The following PLCH2 variants were observed in gnomAD, a reference collection of about 807,000 sequenced individuals.
The protein encoded by PLCH2 is phospholipase C eta 2.
In PLCH2, 98 loss-of-function variants were observed where a neutral mutation model predicts 134.7. That is an observed-to-expected ratio of 0.73 (90% confidence interval 0.62 to 0.86). The LOEUF (loss-of-function observed/expected upper bound fraction) is 0.86. Ranked by LOEUF, PLCH2 falls within the 40% of genes least tolerant of loss-of-function variation. The probability of loss-of-function intolerance (pLI) is 0.00; values close to 1 mark genes in which losing one functional copy is unlikely to be tolerated. For synonymous variants in PLCH2, 974 were observed against 827.5 expected (o/e 1.18, Z -3.04); for missense variants, 1,994 against 1,986.6 (o/e 1.00, Z -0.07).
At chr1:2,449,289 G>A (rs1245892108) in intron 2 of PLCH2, among the ~76,000 whole-genome samples, 1 of 152,166 alleles carries the variant, frequency 6.6e-6, no homozygotes, top group African/African-American at 2.4e-5. Flanking sequence ...TCAGGAGTTC[G>A]AGACCAGCCT....
chr1:2,453,481 C>A lies in PLCH2; in HGVS notation c.115+22852C>A, dbSNP rs376788725. Among the ~76,000 whole-genome samples the A allele has an allele frequency of 3.3e-5, 5 of 152,314 alleles. No homozygotes were observed. The East Asian group carries it at 7.7e-4, about 24-fold the overall frequency. On this transcript the variant is annotated intron_variant, in intron 2 of 3. Coordinates refer to the PLCH2 transcript ENST00000609981. ...CCAGCCTGGAGAAGGGGGCCACTGG[C>A]CCCGGAATGCTGACAGTGATCTGGG...
At chr1:2,440,804 G>T (rs1639657288) in intron 2 of PLCH2, among the ~76,000 whole-genome samples, 1 of 152,242 alleles carries the variant, frequency 6.6e-6, no homozygotes, top group Admixed American at 6.5e-5. Context: ...TTGGCTTCGT[G>T]CAGGAGGCCA....
At chr1:2,421,014 G>C (rs1340288912), upstream of PLCH2, among the ~76,000 whole-genome samples, 3 of 148,864 alleles carry the variant, frequency 2.0e-5, no homozygotes, top group African/African-American at 2.5e-5. Context: ...GTGCGATCTC[G>C]GCTCACTGCA....
At chr1:2,473,877 C>T (rs1405234977), upstream of PLCH2, among the ~76,000 whole-genome samples, 1 of 152,228 alleles carries the variant, frequency 6.6e-6, no homozygotes, top group Non-Finnish European at 1.5e-5. Context: ...CTGGTGTGGG[C>T]CCACAGCCAG....
upstream of PLCH2, among the ~76,000 whole-genome samples, chr1:2,423,813 C>T (rs758888420): frequency 8.5e-5 from 13 of 152,176 alleles, no homozygotes; most frequent in East Asian, 5.8e-4. Flanking sequence ...GATCTTGGGA[C>T]GGGGTCTGTG....
chr1:2,425,183 A>AT, upstream of PLCH2, among the ~76,000 whole-genome samples: 1 of 151,730 alleles, frequency 6.6e-6, no homozygotes, highest in East Asian at 1.9e-4. Flanking sequence ...AAAAAAAAAA[A>AT]GCTGAATAGT....
chr1:2,460,179 G>A (rs574712229), intron 2 of PLCH2, among the ~76,000 whole-genome samples: 6 of 152,380 alleles, frequency 3.9e-5, no homozygotes, highest in African/African-American at 1.4e-4. Flanking sequence ...GTCCCCAGGG[G>A]CCCTGCTGTC....
At chr1:2,429,932 G>A (rs1638988276) in intron 1 of PLCH2, among the ~76,000 whole-genome samples, 2 of 152,200 alleles carry the variant, frequency 1.3e-5, no homozygotes. Flanking sequence ...GCTCCTGGGA[G>A]ACTGGCTGGT....
rs377674325 is a variant in PLCH2, at chr1:2,498,558, G to C, written c.2260G>C (p.Gly754Arg). 1 of 1,606,764 alleles carries C rather than the reference G, an allele frequency of 6.2e-7. No individual in the cohort carries two copies. The highest frequency in any genetic ancestry group is 1.7e-5 in the Admixed American group (1 of 59,652). The change falls in exon 17 of 22, where the codon GGG (glycine) becomes CGG (arginine). Residue 754 changes from glycine to arginine, a missense_variant. Around this residue, in one of 2 missense-constraint regions of PLCH2, gnomAD observed 1,094 missense variants for 1,234.3 expected, o/e 0.89. Transcript: ENST00000378486. The surrounding 1 kb of genome is among the most constrained non-coding windows in gnomAD (Gnocchi z 5.4). The stretch of plus-strand genomic sequence containing the variant: ...CCCCAACTCGGAGGACCCCCTGCCC[G>C]GGCAGCTCAAGAAGCAGCTGGTGCT... ...FNPNSEDPLP[G>R]QLKKQLVLRI...
intron 8 of PLCH2, among the ~76,000 whole-genome samples, chr1:2,488,129 C>T (rs947847628): frequency 6.6e-6 from 1 of 152,240 alleles, no homozygotes; most frequent in Admixed American, 6.5e-5. Context: ...GTTTGAATTA[C>T]CTTCAAGTCT....
chr1:2,498,581 G>A lies in PLCH2; in HGVS notation c.2283G>A (p.Val761=), dbSNP rs1409424586. 1.2e-6 allele frequency: 2 copies of A among 1,603,212 alleles called. No individual in the cohort carries two copies. Among genetic ancestry groups the A allele is most frequent in the African/African-American group, 1.3e-5 (1 of 74,756 alleles). Residue 761 remains valine (V), a synonymous_variant, in exon 17 of 22, where the codon GTG becomes GTA. Transcript: ENST00000378486. This position sits in a 1 kb window ranked among gnomAD's most constrained non-coding sequence, Gnocchi z 5.4. ...PLPGQLKKQL[V]LRIISGQQLP... ...CCGGGCAGCTCAAGAAGCAGCTGGT[G>A]CTCCGGATCATCAGTGGCCAGCAGC...
the PLCH2 span, among the ~76,000 whole-genome samples, chr1:2,417,179 C>G: frequency 6.6e-6 from 1 of 152,142 alleles, no homozygotes; most frequent in Non-Finnish European, 1.5e-5. Context: ...ACCATGACCT[C>G]GCTGATAGGA....
intron 5 of PLCH2, among the ~76,000 whole-genome samples, 186 bp from the exon 6 acceptor site, chr1:2,486,721 G>T (rs139701543): frequency 3.3e-5 from 5 of 152,342 alleles, no homozygotes; most frequent in Non-Finnish European, 4.4e-5. Flanking sequence ...TTCATAGTCA[G>T]AGCAAGCCAT....
intron 2 of PLCH2, among the ~76,000 whole-genome samples, chr1:2,437,542 T>C (rs1350431285): frequency 1.3e-5 from 2 of 151,780 alleles, no homozygotes; most frequent in African/African-American, 2.4e-5. Flanking sequence ...GGGGTTTCTC[T>C]CCTGTCCCAT....
At chr1:2,432,510 C>A (rs1639115920) in intron 2 of PLCH2, among the ~76,000 whole-genome samples, 1 of 152,222 alleles carries the variant, frequency 6.6e-6, no homozygotes, top group African/African-American at 2.4e-5. Flanking sequence ...CTTGATCCAG[C>A]TCCTGGGGCT....
intron 2 of PLCH2, among the ~76,000 whole-genome samples, chr1:2,436,009 TTC>T (rs1639319243): frequency 1.7e-5 from 1 of 58,708 alleles, no homozygotes; most frequent in Admixed American, 2.0e-4. Context: ...TTCCTCCCGC[TTC>T]CCTCCTCTCT....
At chr1:2,459,438 TTGCCGGTGGTCCTCC>T in intron 2 of PLCH2, among the ~76,000 whole-genome samples, 1 of 76,216 alleles carries the variant, frequency 1.3e-5, no homozygotes, top group African/African-American at 5.7e-5. Flanking sequence ...GTGGTCCTCC[TTGCCGGTGGTCCTCC>T]TTCCTGGTGG....
At chr1:2,500,835 GTCCTCCCTCCCCTCCC>G (rs1643184722) in intron 20 of PLCH2, 1 of 37,948 alleles carries the variant, frequency 2.6e-5, no homozygotes, top group Admixed American at 3.3e-4. Flanking sequence ...CCCTCCCTCA[GTCCTCCCTCCCCTCCC>G]TCAGTCCTCC....
At chr1:2,467,778 C>T (rs1641137211) in intron 1 of PLCH2, 1 of 398,986 alleles carries the variant, frequency 2.5e-6, no homozygotes, top group Admixed American at 4.4e-5. Flanking sequence ...TGGTGACCCA[C>T]TGACCCCCCG....
Sources: gnomAD v4.1 joint callset for allele counts (sites outside exome capture counted in the v4.1 genomes callset) on GRCh38, gnomAD v4.1.1 for gene constraint, gnomAD v4.1.1 regional missense constraint, Gnocchi (gnomAD v3.1) non-coding constraint, MANE v1.5 for transcripts, NCBI Gene and HGNC (gene_info 2026-07-23, HGNC 2026-07-21) for gene names.